ANKRD35: variants seen among roughly 807,000 people sequenced by gnomAD.
ANKRD35 encodes the protein ankyrin repeat domain-containing protein 35.
A neutral mutation model predicts 109.9 loss-of-function variants in ANKRD35; 102 were observed. That is an observed-to-expected ratio of 0.93 (90% confidence interval 0.79 to 1.09). ANKRD35 has a LOEUF of 1.09. Among genes scored for constraint, ANKRD35 ranks in the 50% least tolerant of loss-of-function variants. The probability of loss-of-function intolerance (pLI) is 0.00; values close to 1 mark genes in which losing one functional copy is unlikely to be tolerated. For missense variants in ANKRD35, 1,240 were observed against 1,230.1 expected (o/e 1.01, Z -0.12); for synonymous variants, 515 against 512.4 (o/e 1.01, Z -0.07).
At chr1:145,869,362 A>T (rs928848125) in intron 10 of ANKRD35, among the ~76,000 whole-genome samples, 2 of 152,050 alleles carry the variant, frequency 1.3e-5, no homozygotes, top group African/African-American at 2.4e-5. Flanking sequence ...TTGTATTTTT[A>T]GTAGAGGCGG....
Position 145,871,133 on chromosome 1 carries a change from C to CTTTCTTTCTT in ANKRD35, c.2787+839_2787+848dup, listed in dbSNP as rs1455474482. Among the ~76,000 whole-genome samples the CTTTCTTTCTT allele has an allele frequency of 2.8e-5, 3 of 106,918 alleles. No individual in the cohort carries two copies. The East Asian group carries it at 7.7e-4, about 27-fold the overall frequency. The allele number at this position is 106,918 out of a possible 152,430, so 70.1% of individuals were successfully genotyped here. A position where few individuals can be genotyped will look rare whatever the true frequency, so the allele number is the denominator to read the frequency against. ...GTTTTCAAGCTTTTTTTCTTTCTTT[C>CTTTCTTTCTT]TTTCTTTCTTTTCTTTTTTCTTTTT... On this transcript the variant is annotated intron_variant, in intron 10 of 13. Transcript: ENST00000355594.
At position 145,884,409 on chromosome 1, in the gene ANKRD35, A is replaced by G. The variant is rs114248218; in HGVS notation, c.39+1311T>C. On this transcript the variant is annotated intron_variant, in intron 1 of 13. Transcript: ENST00000355594. Reference sequence around the variant, plus strand: ...GCTTCCAGGATTCTGTAACCTGCCCATGCAGAATGAGCTAATTGAACATTT... The same window carrying G: ...GCTTCCAGGATTCTGTAACCTGCCCGTGCAGAATGAGCTAATTGAACATTT... Among the ~76,000 whole-genome samples the G allele has an allele frequency of 4.0e-3, 615 of 152,364 alleles. 7 individuals carry two copies. The highest frequency in any genetic ancestry group is 0.014 in the African/African-American group (583 of 41,582).
chr1:145,870,877 C>T (rs1553738472), intron 10 of ANKRD35, among the ~76,000 whole-genome samples: 1 of 152,070 alleles, frequency 6.6e-6, no homozygotes, highest in African/African-American at 2.4e-5. Context: ...TGCCACCACA[C>T]CCATCTAATT....
chr1:145,875,386 C>G (rs985399054), intron 7 of ANKRD35, among the ~76,000 whole-genome samples: 2 of 152,076 alleles, frequency 1.3e-5, no homozygotes, highest in African/African-American at 4.8e-5. Context: ...CTCAGGTGAT[C>G]CACCCTCCAC....
rs372837824 is a variant in ANKRD35, at chr1:145,875,690, A to G, written c.560+450T>C. ...CAGCCTCCCGAGTAGCTGGGACTACAGGCACCCACCACCATGCCTGACCAA... is the reference window on the plus strand; with the variant it reads ...CAGCCTCCCGAGTAGCTGGGACTACGGGCACCCACCACCATGCCTGACCAA... On this transcript the variant is annotated intron_variant, in intron 7 of 13. Coordinates refer to ENST00000355594, the MANE Select transcript of ANKRD35 (RefSeq NM_144698.5). Among the ~76,000 whole-genome samples the G allele has an allele frequency of 5.3e-5, 8 of 152,062 alleles. 1 individual carries two copies. Among genetic ancestry groups the G allele is most frequent in the African/African-American group, 1.7e-4 (7 of 41,398 alleles).
In ANKRD35 at chr1:145,873,463, T is replaced by G; in HGVS notation, c.1306A>C (p.Ile436Leu). 6.2e-7 allele frequency: 1 copy of G among 1,613,932 alleles called. No individual in the cohort carries two copies. Reference protein sequence around the residue: ...GPPQSPASETIRKATGQQLTT... With the variant: ...GPPQSPASETLRKATGQQLTT... ...AGTTGCTGTCCTGTGGCTTTCCTGA[T>G]GGTCTCAGACGCTGGGCTCTGGGGT... Residue 436 changes from isoleucine (I) to leucine (L), a missense_variant, in exon 10 of 14, where the codon ATC becomes CTC. Transcript: ENST00000355594.
chr1:145,884,438 A>G (rs1223540202), intron 1 of ANKRD35, among the ~76,000 whole-genome samples: 1 of 152,194 alleles, frequency 6.6e-6, no homozygotes, highest in Non-Finnish European at 1.5e-5. Context: ...AACATTTCTG[A>G]TATTTTCTTA....
chr1:145,868,191 G>A (rs1435473483), intron 11 of ANKRD35, 120 bp downstream of exon 11: 1 of 1,465,636 alleles, frequency 6.8e-7, no homozygotes, highest in Non-Finnish European at 9.5e-7. Flanking sequence ...CCACTGCCTA[G>A]CCAGGCCTCT....
chr1:145,870,765 AC>A (rs1553738460), intron 10 of ANKRD35, among the ~76,000 whole-genome samples: 1 of 151,722 alleles, frequency 6.6e-6, no homozygotes, highest in East Asian at 1.9e-4. Context: ...TGTTGCCCAG[AC>A]TGGAGTGCAG....
At chr1:145,876,936 C>A in intron 4 of ANKRD35, 63 bp from the exon 5 acceptor site, 1 of 1,554,350 alleles carries the variant, frequency 6.4e-7, no homozygotes, top group South Asian at 1.1e-5. Context: ...TCCCATACCC[C>A]CATTGGGTCA....
At position 145,879,324 on chromosome 1, in the gene ANKRD35, C is replaced by A. The variant is rs147155265; in HGVS notation, c.104G>T (p.Arg35Leu). Reference protein sequence around the residue: ...LEAVHRGDVGRVAALASRKSA... With the variant: ...LEAVHRGDVGLVAALASRKSA... ...TTTCCTGGAGGCCAGGGCAGCCACG[C>A]GTCCCACATCCCCCCTGTGCACTGC... The change falls in exon 2 of 14, where the codon CGC becomes CTC. Residue 35 changes from arginine (R) to leucine (L), a missense_variant. Coordinates refer to ENST00000355594, the MANE Select transcript of ANKRD35 (RefSeq NM_144698.5). 23 of 1,610,898 alleles carry A rather than the reference C, an allele frequency of 1.4e-5. No individual in the cohort carries two copies. The highest frequency in any genetic ancestry group is 9.0e-5 in the East Asian group (4 of 44,420).
At chr1:145,870,599 G>A (rs1228627956) in intron 10 of ANKRD35, among the ~76,000 whole-genome samples, 2 of 152,050 alleles carry the variant, frequency 1.3e-5, no homozygotes, top group Non-Finnish European at 2.9e-5. Flanking sequence ...CTCCTTCAAT[G>A]CAACATAAAA....
chr1:145,876,385 G>T, intron 6 of ANKRD35, 139 bp from the exon 7 acceptor site: 1 of 1,121,618 alleles, frequency 8.9e-7, no homozygotes, highest in Non-Finnish European at 1.3e-6. Context: ...CTTTTGGAGG[G>T]TTAGAAGCTC....
intron 7 of ANKRD35, 76 bp downstream of exon 7, chr1:145,876,064 C>T (rs1383331164): frequency 1.9e-5 from 24 of 1,291,074 alleles, no homozygotes; most frequent in Non-Finnish European, 2.5e-5. Flanking sequence ...AACACACACA[C>T]ACACACGTTG....
rs1553739492 is a variant in ANKRD35 at position 145,873,804 on chromosome 1, T to C, written c.965A>G (p.Glu322Gly). Reference protein sequence around the residue: ...LEQELVQKTEECKTQAAAYLD... With the variant: ...LEQELVQKTEGCKTQAAAYLD... Reference sequence around the variant, plus strand: ...ATAGGCTGCAGCTTGAGTCTTACACTCTTCTGTCTTTTGCACCAGCTCCTG... The same window carrying C: ...ATAGGCTGCAGCTTGAGTCTTACACCCTTCTGTCTTTTGCACCAGCTCCTG... Residue 322 changes from glutamate (E) to glycine (G), a missense_variant, in exon 10 of 14, where the codon GAG becomes GGG. Coordinates refer to ENST00000355594, the MANE Select transcript of ANKRD35 (RefSeq NM_144698.5). The C allele has an allele frequency of 1.2e-6, 2 of 1,608,962 alleles. No homozygotes were observed. The highest frequency in any genetic ancestry group is 1.7e-6 in the Non-Finnish European group (2 of 1,177,450).
chr1:145,866,933 G>A (rs1036930184), intron 13 of ANKRD35, among the ~76,000 whole-genome samples, 168 bp from the exon 14 acceptor site: 2 of 152,122 alleles, frequency 1.3e-5, no homozygotes, highest in African/African-American at 4.8e-5. Context: ...TGAATGAATG[G>A]TATCAAAGTG....
chr1:145,871,214 AGTGCAATG>A (rs1423532994), intron 10 of ANKRD35, among the ~76,000 whole-genome samples: 3 of 118,378 alleles, frequency 2.5e-5, no homozygotes, highest in Non-Finnish European at 4.9e-5. Context: ...CCCAGGCTGG[AGTGCAATG>A]GTGCAATCTT....
chr1:145,879,393 T>C lies in ANKRD35; in HGVS notation c.40-5A>G. The C allele has an allele frequency of 6.4e-7, 1 of 1,558,092 alleles. No homozygotes were observed. The highest frequency in any genetic ancestry group is 2.4e-5 in the East Asian group (1 of 41,802). On this transcript the variant is annotated splice_polypyrimidine_tract_variant and splice_region_variant and intron_variant, in intron 1 of 13. Coordinates refer to ENST00000355594, the MANE Select transcript of ANKRD35 (RefSeq NM_144698.5). ...ATGGCGGTTCCATCTCTCCACCTGG[T>C]CCAGAGCCACAGGTTGTGTGAATAT...
chr1:145,874,055 C>T lies in ANKRD35; in HGVS notation c.784-70G>A, dbSNP rs1252841494. 3.7e-6 allele frequency: 6 copies of T among 1,611,450 alleles called. No individual in the cohort carries two copies. The East Asian group carries it at 1.3e-4, about 36-fold the overall frequency. On this transcript the variant is annotated intron_variant, in intron 9 of 13. Coordinates refer to ENST00000355594, the MANE Select transcript of ANKRD35 (RefSeq NM_144698.5). ...ACTGAGCCCTAGGAGTGCCTTTCTT[C>T]TCTTAAATGTCTTGACACCCCAAGG...
Sources: gnomAD v4.1 joint callset for allele counts (sites outside exome capture counted in the v4.1 genomes callset) on GRCh38, gnomAD v4.1.1 for gene constraint, MANE v1.5 for transcripts, NCBI Gene and HGNC (gene_info 2026-07-23, HGNC 2026-07-21) for gene names.